Variants in GRIN2B observed in about 807,000 individuals in gnomAD.
GRIN2B encodes the protein glutamate ionotropic receptor NMDA type subunit 2B, also known as glutamate receptor ionotropic, NMDA 2B.
A neutral mutation model predicts 114.5 loss-of-function variants in GRIN2B; 5 were observed. That is an observed-to-expected ratio of 0.04 (90% CI 0.02 to 0.09). The LOEUF is 0.09. GRIN2B is among the 10% of genes least tolerant of loss of function. GRIN2B has a pLI of 1.00. For synonymous variants in GRIN2B, 787 were observed against 745.1 expected, an observed-to-expected ratio of 1.06 and a Z score of -0.92; for missense variants, 1,108 against 1,943.5, an observed-to-expected ratio of 0.57 and a Z score of 8.08.
chr12:13,559,465 A>G lies in GRIN2B; in HGVS notation c.*3318T>C, dbSNP rs1283671628. ...TGGTTAACCCAAGGCCAGATTATGA[A>G]CACCTGGCTCGAGGCCAGTAGCACC... On this transcript the variant is annotated 3_prime_UTR_variant, in exon 14 of 14. Coordinates refer to ENST00000609686, the MANE Select transcript of GRIN2B (RefSeq NM_000834.5). 1 of 152,192 alleles carries G rather than the reference A, an allele frequency of 6.6e-6. No homozygotes were observed. Among genetic ancestry groups the G allele is most frequent in the African/African-American group, 2.4e-5 (1 of 41,426 alleles). The allele number at this position is 152,192 out of a possible 1,614,324, so 9.4% of individuals were successfully genotyped here. A position where few individuals can be genotyped will look rare whatever the true frequency, so the allele number is the denominator to read the frequency against.
chr12:13,935,986 A>C (rs1464091322), intron 2 of GRIN2B, among the ~76,000 whole-genome samples: 1 of 152,198 alleles, frequency 6.6e-6, no homozygotes, highest in Admixed American at 6.5e-5. Flanking sequence ...GAGTCAAAGC[A>C]TAACACAGTG....
chr12:13,831,937 T>G (rs774415911), intron 3 of GRIN2B, among the ~76,000 whole-genome samples: 3 of 152,208 alleles, frequency 2.0e-5, no homozygotes, highest in Non-Finnish European at 2.9e-5. Context: ...AAGAAACACT[T>G]TCATATGTCT....
At chr12:13,737,449 G>A (rs1024281390) in intron 4 of GRIN2B, among the ~76,000 whole-genome samples, 2 of 152,070 alleles carry the variant, frequency 1.3e-5, no homozygotes, top group African/African-American at 4.8e-5. Flanking sequence ...CTGACCTTGT[G>A]ATCTGCCTGC....
At chr12:13,857,936 C>T (rs1865691971) in intron 3 of GRIN2B, among the ~76,000 whole-genome samples, 1 of 152,132 alleles carries the variant, frequency 6.6e-6, no homozygotes, top group South Asian at 2.1e-4. Flanking sequence ...CCAACCATGA[C>T]AAAATGCCAG....
At chr12:13,766,699 C>G (rs1179871580) in intron 3 of GRIN2B, among the ~76,000 whole-genome samples, 3 of 152,194 alleles carry the variant, frequency 2.0e-5, no homozygotes, top group African/African-American at 7.2e-5. Flanking sequence ...TCAGGCTACC[C>G]AGTTAAAAAA....
chr12:13,721,767 T>G (rs942867092), intron 4 of GRIN2B, among the ~76,000 whole-genome samples: 3 of 151,936 alleles, frequency 2.0e-5, no homozygotes, highest in African/African-American at 7.2e-5. Flanking sequence ...GTAAAAGCCA[T>G]AGACCAGATG....
At chr12:13,667,266 A>T in intron 5 of GRIN2B, among the ~76,000 whole-genome samples, 1 of 152,206 alleles carries the variant, frequency 6.6e-6, no homozygotes, top group Middle Eastern at 3.2e-3. Context: ...AAGGCAGCGC[A>T]CTGTATGAGA....
At chr12:13,587,467 A>T (rs752653097) in intron 10 of GRIN2B, among the ~76,000 whole-genome samples, 1 of 149,278 alleles carries the variant, frequency 6.7e-6, no homozygotes, top group Non-Finnish European at 1.5e-5. Flanking sequence ...CGATCTTCCC[A>T]CCTCAGCCTC....
intron 10 of GRIN2B, among the ~76,000 whole-genome samples, chr12:13,579,676 T>C (rs1423632198): frequency 6.6e-6 from 1 of 152,142 alleles, no homozygotes; most frequent in Non-Finnish European, 1.5e-5. Context: ...AGTCACCAGG[T>C]GCTGGTGTGC....
intron 2 of GRIN2B, among the ~76,000 whole-genome samples, chr12:13,934,811 A>G (rs987743889): frequency 2.1e-5 from 3 of 144,084 alleles, no homozygotes; most frequent in African/African-American, 8.9e-5. Context: ...CATGGCTCCA[A>G]GTTCTGATGT....
chr12:13,595,199 G>A (rs1949056866), intron 10 of GRIN2B, among the ~76,000 whole-genome samples: 1 of 152,210 alleles, frequency 6.6e-6, no homozygotes, highest in Non-Finnish European at 1.5e-5. Context: ...CTGAATGAAT[G>A]AATGGCTGAA....
chr12:13,977,885 T>C (rs948287639), intron 2 of GRIN2B, among the ~76,000 whole-genome samples: 1 of 152,184 alleles, frequency 6.6e-6, no homozygotes, highest in Admixed American at 6.5e-5. Context: ...TTTCCCTTTA[T>C]AGCTTCCCCA....
intron 2 of GRIN2B, among the ~76,000 whole-genome samples, chr12:13,910,188 T>C (rs981027693): frequency 1.3e-5 from 2 of 152,206 alleles, no homozygotes; most frequent in African/African-American, 4.8e-5. Flanking sequence ...TAAGTATCCC[T>C]GGTGTGCTGA....
At chr12:13,889,976 A>T (rs1432272268) in intron 2 of GRIN2B, among the ~76,000 whole-genome samples, 1 of 152,178 alleles carries the variant, frequency 6.6e-6, no homozygotes, top group Non-Finnish European at 1.5e-5. Context: ...GATCAAAACA[A>T]TAGGCTGGCA....
At chr12:13,592,363 C>T (rs1311137120) in intron 10 of GRIN2B, among the ~76,000 whole-genome samples, 1 of 152,202 alleles carries the variant, frequency 6.6e-6, no homozygotes, top group Non-Finnish European at 1.5e-5. Flanking sequence ...GCAGCATGAA[C>T]CTATCTGCAG....
chr12:13,694,699 ATAT>A (rs1950245579), intron 4 of GRIN2B, among the ~76,000 whole-genome samples: 12 of 130,234 alleles, frequency 9.2e-5, no homozygotes, highest in East Asian at 2.2e-4. Context: ...ATATATATAT[ATAT>A]AAATTAATTA....
intron 2 of GRIN2B, among the ~76,000 whole-genome samples, chr12:13,916,307 T>G (rs980751134): frequency 3.3e-5 from 5 of 152,186 alleles, no homozygotes; most frequent in African/African-American, 7.2e-5. Context: ...ATCAGGAAGT[T>G]TGTTAGGTTT....
intron 3 of GRIN2B, among the ~76,000 whole-genome samples, chr12:13,809,548 A>G (rs927518554): frequency 2.6e-5 from 4 of 152,226 alleles, no homozygotes; most frequent in African/African-American, 7.2e-5. Context: ...CTAAAATGCT[A>G]ATCTAAGACA....
At chr12:13,741,486 T>C (rs1222264979) in intron 4 of GRIN2B, among the ~76,000 whole-genome samples, 1 of 152,188 alleles carries the variant, frequency 6.6e-6, no homozygotes, top group East Asian at 1.9e-4. Context: ...AAAATTTGAG[T>C]TTGAAACACA....
Sources: gnomAD v4.1 joint callset for allele counts (sites outside exome capture counted in the v4.1 genomes callset) on GRCh38, gnomAD v4.1.1 for gene constraint, MANE v1.5 for transcripts, NCBI Gene and HGNC (gene_info 2026-07-23, HGNC 2026-07-21) for gene names.